Variants in THRB observed in about 807,000 individuals in gnomAD.
THRB encodes the protein thyroid hormone receptor beta.
Under a neutral mutation model 47.8 loss-of-function variants are expected in THRB, and 12 were observed. The observed-to-expected ratio is 0.25, with a 90% CI of 0.16 to 0.41. THRB has a LOEUF of 0.41. Ranked by LOEUF, THRB falls within the 10% of genes least tolerant of loss-of-function variation. The pLI is 1.00. For missense variants in THRB, 348 were observed against 589.2 expected, an observed-to-expected ratio of 0.59 and a Z score of 4.24; for synonymous variants, 218 against 212.2, an observed-to-expected ratio of 1.03 and a Z score of -0.24.
chr3:24,239,976 T>G (rs947192336), intron 3 of THRB, among the ~76,000 whole-genome samples: 5 of 152,200 alleles, frequency 3.3e-5, no homozygotes, highest in African/African-American at 9.6e-5. Flanking sequence ...TGGATTTGCA[T>G]GGTGTCTGAC....
intron 5 of THRB, among the ~76,000 whole-genome samples, chr3:24,158,553 T>A (rs996629410): frequency 2.6e-5 from 4 of 151,994 alleles, no homozygotes; most frequent in Non-Finnish European, 5.9e-5. Flanking sequence ...CTCAGCCTCC[T>A]GAGTCACTGG....
In THRB at chr3:24,337,325, G is replaced by A. The variant is rs2062324330; in HGVS notation, c.-214C>T. The A allele has an allele frequency of 6.6e-6, 1 of 152,126 alleles. No individual in the cohort carries two copies. The highest frequency in any genetic ancestry group is 1.5e-5 in the Non-Finnish European group (1 of 68,040). 9.4% of individuals were successfully genotyped at this position (152,126 alleles called of 1,614,324 possible). A position where few individuals can be genotyped will look rare whatever the true frequency, so the allele number is the denominator to read the frequency against. ...CTTCTTATTCATTAAATCATGTGTG[G>A]AACTTGGCACCCACGCAGGACAGCC... On this transcript the variant is annotated 5_prime_UTR_variant, in exon 2 of 11. Coordinates refer to ENST00000646209, the MANE Select transcript of THRB (RefSeq NM_001354712.2).
chr3:24,357,378 A>T (rs868617667), intron 1 of THRB, among the ~76,000 whole-genome samples: 1 of 141,204 alleles, frequency 7.1e-6, no homozygotes, highest in Non-Finnish European at 1.5e-5. Flanking sequence ...AAAAAAACAA[A>T]AAACAAACAA....
chr3:24,216,439 A>C (rs1048759952), intron 4 of THRB, among the ~76,000 whole-genome samples: 4 of 152,038 alleles, frequency 2.6e-5, no homozygotes, highest in Non-Finnish European at 5.9e-5. Context: ...CCCTGTCTCT[A>C]CTCAAAAAAA....
At chr3:24,277,471 T>C (rs1166613750) in intron 3 of THRB, among the ~76,000 whole-genome samples, 1 of 152,180 alleles carries the variant, frequency 6.6e-6, no homozygotes, top group African/African-American at 2.4e-5. Flanking sequence ...TTTGATTCAG[T>C]GAGTCTGGAG....
intron 1 of THRB, among the ~76,000 whole-genome samples, chr3:24,377,477 T>G (rs773176556): frequency 6.6e-6 from 1 of 152,076 alleles, no homozygotes; most frequent in Non-Finnish European, 1.5e-5. Context: ...CTACAGGAAG[T>G]GAGTCTGTTC....
intron 1 of THRB, among the ~76,000 whole-genome samples, chr3:24,462,670 A>G (rs929456645): frequency 6.6e-6 from 1 of 152,180 alleles, no homozygotes; most frequent in African/African-American, 2.4e-5. Flanking sequence ...CCTACTTTGC[A>G]TTGTCCTTGC....
intron 4 of THRB, among the ~76,000 whole-genome samples, chr3:24,196,252 T>G (rs952172230): frequency 6.6e-6 from 1 of 152,184 alleles, no homozygotes; most frequent in African/African-American, 2.4e-5. Flanking sequence ...ACTGTAAACT[T>G]TGACCTAGTC....
intron 1 of THRB, among the ~76,000 whole-genome samples, chr3:24,410,952 C>T (rs969872177): frequency 2.0e-5 from 3 of 151,826 alleles, no homozygotes; most frequent in Admixed American, 2.0e-4. Flanking sequence ...GGTTCATCAT[C>T]ATCAAAGAGA....
intron 4 of THRB, among the ~76,000 whole-genome samples, chr3:24,209,126 C>T (rs570256913): frequency 6.6e-6 from 1 of 152,262 alleles, no homozygotes; most frequent in Admixed American, 6.5e-5. Context: ...AAATCAAAAC[C>T]ACAATGAGAT....
Position 24,301,101 on chromosome 3 carries a change from C to G in THRB, c.-188-3730G>C, listed in dbSNP as rs556757397. Among the ~76,000 whole-genome samples, 365 of 152,258 alleles carry G rather than the reference C, an allele frequency of 2.4e-3. 1 individual carries two copies. Among genetic ancestry groups the G allele is most frequent in the African/African-American group, 8.5e-3 (353 of 41,536 alleles). On this transcript the variant is annotated intron_variant, in intron 2 of 10. Transcript: ENST00000646209. ...AGACTGGAATTACACATTCATAAAT[C>G]AAGGAACACCAGGAGCCACCAGACT...
At chr3:24,308,211 C>T (rs1576717193) in intron 2 of THRB, among the ~76,000 whole-genome samples, 1 of 152,066 alleles carries the variant, frequency 6.6e-6, no homozygotes, top group Non-Finnish European at 1.5e-5. Context: ...ACAAAAGAAG[C>T]TCTAGGCAGT....
At chr3:24,473,856 C>T (rs1695064303) in intron 1 of THRB, among the ~76,000 whole-genome samples, 1 of 152,200 alleles carries the variant, frequency 6.6e-6, no homozygotes, top group Admixed American at 6.5e-5. Flanking sequence ...CCAAACACCA[C>T]ATGTTCTCAC....
chr3:24,334,056 C>T (rs968200546), intron 2 of THRB, among the ~76,000 whole-genome samples: 6 of 152,116 alleles, frequency 3.9e-5, no homozygotes, highest in African/African-American at 7.2e-5. Context: ...GTATTTCTGC[C>T]GCAATAATTA....
chr3:24,451,252 G>A (rs1038611548), intron 1 of THRB, among the ~76,000 whole-genome samples: 2 of 23,470 alleles, frequency 8.5e-5, no homozygotes, highest in African/African-American at 3.7e-4. Context: ...TTTTTTTTTT[G>A]AGACAGAGTC....
chr3:24,326,643 T>C (rs528161999), intron 2 of THRB, among the ~76,000 whole-genome samples: 1 of 152,188 alleles, frequency 6.6e-6, no homozygotes, highest in South Asian at 2.1e-4. Context: ...TGACAACGTG[T>C]TTTCCCAAAG....
intron 3 of THRB, among the ~76,000 whole-genome samples, chr3:24,230,336 G>A (rs570554515): frequency 8.5e-5 from 13 of 152,276 alleles, no homozygotes; most frequent in Non-Finnish European, 1.8e-4. Context: ...TCTACACTGA[G>A]CGGAATGTCA....
intron 3 of THRB, among the ~76,000 whole-genome samples, chr3:24,292,699 GT>G (rs1240500625): frequency 5.3e-4 from 81 of 152,260 alleles, no homozygotes; most frequent in African/African-American, 1.9e-3. Context: ...GAAGTCAGTG[GT>G]CTCATTTCAA....
At chr3:24,291,127 G>C (rs2055876837) in intron 3 of THRB, among the ~76,000 whole-genome samples, 1 of 152,166 alleles carries the variant, frequency 6.6e-6, no homozygotes, top group South Asian at 2.1e-4. Context: ...CCACAAAATA[G>C]GTTCCTGTTA....
Sources: gnomAD v4.1 joint callset for allele counts (sites outside exome capture counted in the v4.1 genomes callset) on GRCh38, gnomAD v4.1.1 for gene constraint, MANE v1.5 for transcripts, NCBI Gene and HGNC (gene_info 2026-07-23, HGNC 2026-07-21) for gene names.